TBC1D14: variants seen among roughly 807,000 people sequenced by gnomAD.
TBC1D14 encodes the protein TBC1 domain family, member 14.
A neutral mutation model predicts 79.0 loss-of-function variants in TBC1D14; 26 were observed. The observed-to-expected ratio is 0.33, with a 90% CI of 0.24 to 0.46. The LOEUF is 0.46. Among genes scored for constraint, TBC1D14 ranks in the 20% least tolerant of loss-of-function variants. The pLI is 1.00. For missense variants in TBC1D14, 769 were observed against 887.6 expected (o/e 0.87, Z 1.70); for synonymous variants, 394 against 349.9 (o/e 1.13, Z -1.40).
At chr4:6,984,328 T>G (rs563048060) in intron 3 of TBC1D14, among the ~76,000 whole-genome samples, 127 of 152,274 alleles carry the variant, frequency 8.3e-4, no homozygotes, top group Non-Finnish European at 1.6e-3. Flanking sequence ...GTGGCTGGCA[T>G]CCTGGCATCC....
chr4:7,029,276 G>C (rs940204868), intron 13 of TBC1D14, among the ~76,000 whole-genome samples: 1 of 152,184 alleles, frequency 6.6e-6, no homozygotes, highest in Non-Finnish European at 1.5e-5. Flanking sequence ...TTTTAAATTT[G>C]TGACTCAAAG....
intron 2 of TBC1D14, among the ~76,000 whole-genome samples, chr4:6,942,443 C>T (rs1420441909): frequency 2.0e-5 from 3 of 152,194 alleles, no homozygotes; most frequent in African/African-American, 7.2e-5. Flanking sequence ...AATGGTGAGT[C>T]ATCTAGAGTT....
At chr4:7,026,410 T>G (rs1000180316) in intron 13 of TBC1D14, among the ~76,000 whole-genome samples, 2 of 152,154 alleles carry the variant, frequency 1.3e-5, no homozygotes, top group Non-Finnish European at 1.5e-5. Flanking sequence ...AGCTACTAAC[T>G]CCTTCCTATC....
At chr4:7,024,373 G>A (rs1722125817) in intron 12 of TBC1D14, among the ~76,000 whole-genome samples, 2 of 152,106 alleles carry the variant, frequency 1.3e-5, no homozygotes, top group Admixed American at 1.3e-4. Context: ...CCACCCAGCT[G>A]GGGATCCCCA....
intron 2 of TBC1D14, among the ~76,000 whole-genome samples, chr4:6,927,098 C>G (rs1357330202): frequency 2.0e-5 from 3 of 152,184 alleles, no homozygotes; most frequent in African/African-American, 7.2e-5. Flanking sequence ...GCTGGCCAAG[C>G]CTGACCACAG....
chr4:6,988,270 G>A (rs1279139348), intron 3 of TBC1D14, among the ~76,000 whole-genome samples: 1 of 152,250 alleles, frequency 6.6e-6, no homozygotes, highest in African/African-American at 2.4e-5. Context: ...CCCTCTTAGA[G>A]TGGAATGTTG....
chr4:6,976,416 C>T (rs1044733828), intron 3 of TBC1D14, among the ~76,000 whole-genome samples: 2 of 152,130 alleles, frequency 1.3e-5, no homozygotes, highest in African/African-American at 4.8e-5. Context: ...ACAAAAAAAT[C>T]ATATAAGCAA....
chr4:6,976,850 TAAAC>T (rs917725383), intron 3 of TBC1D14, among the ~76,000 whole-genome samples: 16 of 152,068 alleles, frequency 1.1e-4, no homozygotes, highest in Non-Finnish European at 2.1e-4. Flanking sequence ...GAAAGAGCAA[TAAAC>T]AATTTGCCGT....
At chr4:6,993,341 C>T (rs1718699461) in intron 3 of TBC1D14, among the ~76,000 whole-genome samples, 1 of 152,208 alleles carries the variant, frequency 6.6e-6, no homozygotes, top group South Asian at 2.1e-4. Context: ...CTGTTTGGCT[C>T]TCCTGAGTTC....
chr4:7,025,592 T>A (rs992362866), intron 13 of TBC1D14, among the ~76,000 whole-genome samples: 1 of 152,064 alleles, frequency 6.6e-6, no homozygotes, highest in African/African-American at 2.4e-5. Flanking sequence ...CCCCCCTTTT[T>A]AAAAAAAATA....
At chr4:6,920,577 C>T (rs1296837842) in intron 1 of TBC1D14, among the ~76,000 whole-genome samples, 2 of 151,978 alleles carry the variant, frequency 1.3e-5, no homozygotes, top group African/African-American at 4.8e-5. Context: ...TTCTTCTGTG[C>T]TTGAAAACCT....
intron 12 of TBC1D14, among the ~76,000 whole-genome samples, chr4:7,018,234 C>G (rs1721471428): frequency 6.6e-6 from 1 of 152,212 alleles, no homozygotes; most frequent in South Asian, 2.1e-4. Flanking sequence ...ATAAAGCATG[C>G]TAAGTTCCAG....
chr4:6,990,909 G>A (rs1367202700), intron 3 of TBC1D14, among the ~76,000 whole-genome samples: 1 of 152,070 alleles, frequency 6.6e-6, no homozygotes, highest in Admixed American at 6.5e-5. Flanking sequence ...CTCCAGTGCT[G>A]TTTCTTCCCT....
intron 9 of TBC1D14, among the ~76,000 whole-genome samples, chr4:7,008,096 C>G (rs1036288280): frequency 2.0e-4 from 30 of 152,228 alleles, no homozygotes; most frequent in African/African-American, 7.2e-4. Context: ...GTTGACAGTA[C>G]TTGGCAGATA....
rs759758254 is a variant in TBC1D14, at chr4:7,022,660, TG to T, written c.1758-2341del. Among the ~76,000 whole-genome samples the T allele has an allele frequency of 9.9e-5, 15 of 152,098 alleles. No individual in the cohort carries two copies. In the South Asian group the frequency reaches 3.1e-3, roughly 32 times the overall value. ...AGCATGGCCAGGAGGTGGAAGCTCA[TG>T]GGATTGGAAATGGATTTGTCTCATG... On this transcript the variant is annotated intron_variant, in intron 12 of 13. Coordinates refer to ENST00000409757, the MANE Select transcript of TBC1D14 (RefSeq NM_020773.3).
intron 11 of TBC1D14, among the ~76,000 whole-genome samples, 171 bp downstream of exon 11, chr4:7,010,952 G>A (rs543875367): frequency 6.6e-6 from 1 of 152,318 alleles, no homozygotes; most frequent in South Asian, 2.1e-4. Flanking sequence ...GTATTGCATG[G>A]AAGCTGAAAA....
At position 6,923,675 on chromosome 4, in the gene TBC1D14, A is replaced by G; in HGVS notation, c.286A>G (p.Ile96Val). ...VRRKQSDSDLIPERAFQSACA... is the reference protein window; with the variant it reads ...VRRKQSDSDLVPERAFQSACA... ...GAGGAAGCAGTCCGACTCCGACCTC[A>G]TCCCCGAGCGGGCCTTCCAGAGCGC... The change falls in exon 2 of 14, where the codon ATC becomes GTC. Residue 96 changes from isoleucine (I) to valine (V), a missense_variant. Physicochemically the swap from Ile to Val is conservative, Grantham distance 29. This residue lies in a region of TBC1D14 where 402 missense variants were observed against 393.2 expected (regional missense o/e 1.02). Transcript: ENST00000409757. The G allele has an allele frequency of 1.9e-6, 3 of 1,613,750 alleles. No homozygotes were observed. Among genetic ancestry groups the G allele is most frequent in the South Asian group, 1.1e-5 (1 of 91,080 alleles).
intron 2 of TBC1D14, among the ~76,000 whole-genome samples, chr4:6,953,371 C>T (rs76967305): frequency 0.079 from 10,514 of 132,784 alleles, 501 homozygotes; most frequent in African/African-American, 0.12. Flanking sequence ...CCTGTAATCC[C>T]AGCACTTTGG....
In TBC1D14 at chr4:6,999,218, G is replaced by A; in HGVS notation, c.1163+16G>A. On this transcript the variant is annotated intron_variant, in intron 6 of 13. Coordinates refer to ENST00000409757, the MANE Select transcript of TBC1D14 (RefSeq NM_020773.3). ...GGGAAACAATGTAAGATGTGGCTCT[G>A]GGTGTGGCTGAACTGCAGAGCATGT... The A allele has an allele frequency of 6.2e-7, 1 of 1,603,844 alleles. No individual in the cohort carries two copies. Among genetic ancestry groups the A allele is most frequent in the Non-Finnish European group, 8.5e-7 (1 of 1,170,990 alleles).
Sources: gnomAD v4.1 joint callset for allele counts (sites outside exome capture counted in the v4.1 genomes callset) on GRCh38, gnomAD v4.1.1 for gene constraint, gnomAD v4.1.1 regional missense constraint, MANE v1.5 for transcripts, NCBI Gene and HGNC (gene_info 2026-07-23, HGNC 2026-07-21) for gene names.